Variants in HDAC4 observed in about 807,000 individuals in gnomAD.
The protein encoded by HDAC4 is histone deacetylase A.
In HDAC4, 16 loss-of-function variants were observed where a neutral mutation model predicts 135.1. That is an observed-to-expected ratio of 0.12 (90% confidence interval 0.08 to 0.18). The LOEUF is 0.18. Among genes scored for constraint, HDAC4 ranks in the 10% least tolerant of loss-of-function variants. The probability of loss-of-function intolerance (pLI) is 1.00; values close to 1 mark genes in which losing one functional copy is unlikely to be tolerated. For missense variants in HDAC4, 1,143 were observed against 1,511.8 expected (o/e 0.76, Z 4.05); for synonymous variants, 685 against 653.4 (o/e 1.05, Z -0.74).
At chr2:239,222,102 C>T (rs1358996480) in intron 3 of HDAC4, among the ~76,000 whole-genome samples, 3 of 152,174 alleles carry the variant, frequency 2.0e-5, no homozygotes, top group East Asian at 1.9e-4. Context: ...CCTGTGCCAG[C>T]GCAAGGCCAG....
rs2048129960 is a variant in HDAC4 at position 239,240,719 on chromosome 2, T to G, written c.23-4055A>C. Among the ~76,000 whole-genome samples, 1 of 152,208 alleles carries G rather than the reference T, an allele frequency of 6.6e-6. No individual in the cohort carries two copies. The highest frequency in any genetic ancestry group is 6.5e-5 in the Admixed American group (1 of 15,290). ...GAGGCCGAGGAGCACGGGTACCTCGTGTCCTCACCAGCACATGATGTGCCC... is the reference window on the plus strand; with the variant it reads ...GAGGCCGAGGAGCACGGGTACCTCGGGTCCTCACCAGCACATGATGTGCCC... On this transcript the variant is annotated intron_variant, in intron 2 of 26. Transcript: ENST00000543185. The surrounding 1 kb of genome is among the most constrained non-coding windows in gnomAD (Gnocchi z 4.5).
intron 2 of HDAC4, among the ~76,000 whole-genome samples, chr2:239,310,516 C>T (rs2052823214): frequency 6.6e-6 from 1 of 152,224 alleles, no homozygotes; most frequent in South Asian, 2.1e-4. Context: ...AGGCCCCTCC[C>T]ATGAGCCCTG....
At chr2:239,289,739 C>A (rs2051354177) in intron 2 of HDAC4, among the ~76,000 whole-genome samples, 1 of 152,226 alleles carries the variant, frequency 6.6e-6, no homozygotes, top group Non-Finnish European at 1.5e-5. Context: ...CCCCAAAGTC[C>A]CCGCCTGATG....
At chr2:239,070,342 T>C (rs2034048942) in intron 22 of HDAC4, among the ~76,000 whole-genome samples, 1 of 152,212 alleles carries the variant, frequency 6.6e-6, no homozygotes, top group Non-Finnish European at 1.5e-5. Context: ...ACTGAGAAAT[T>C]CTTTAAATTA....
At position 239,322,168 on chromosome 2, in the gene HDAC4, G is replaced by C. The variant is rs77479238; in HGVS notation, c.22+30510C>G. 9.4e-3 allele frequency among the ~76,000 whole-genome samples: 1,434 copies of C among 152,342 alleles called. 16 individuals carry two copies. The highest frequency in any genetic ancestry group is 0.033 in the African/African-American group (1,372 of 41,570). On this transcript the variant is annotated intron_variant, in intron 2 of 26. Coordinates refer to ENST00000543185, the MANE Select transcript of HDAC4 (RefSeq NM_001378414.1). ...TGAAGTTACACCCTATGCGAATGAAGACTTGGCCTGCAACCAATCAGGGGC... is the reference window on the plus strand; with the variant it reads ...TGAAGTTACACCCTATGCGAATGAACACTTGGCCTGCAACCAATCAGGGGC...
intron 1 of HDAC4, among the ~76,000 whole-genome samples, chr2:239,381,968 G>C (rs1695449146): frequency 6.6e-6 from 1 of 152,216 alleles, no homozygotes; most frequent in Non-Finnish European, 1.5e-5. Context: ...TGCTCACTGG[G>C]CTTTGGAAGC....
At chr2:239,350,754 G>A (rs1441182607) in intron 2 of HDAC4, among the ~76,000 whole-genome samples, 1 of 152,154 alleles carries the variant, frequency 6.6e-6, no homozygotes, top group Admixed American at 6.5e-5. Context: ...TGCCCACCCT[G>A]ACCTTCCGAA....
In HDAC4 at chr2:239,077,960, T is replaced by C. The variant is rs188398286; in HGVS notation, c.2750+3135A>G. On this transcript the variant is annotated intron_variant, in intron 22 of 26. Coordinates refer to ENST00000543185, the MANE Select transcript of HDAC4 (RefSeq NM_001378414.1). ...CAATTCGTGAAGCTATCACAGTTAT[T>C]GCTTGAGAAGATCCAGTTTCAGAGA... Among the ~76,000 whole-genome samples, 7 of 152,360 alleles carry C rather than the reference T, an allele frequency of 4.6e-5. No individual in the cohort carries two copies. In the East Asian group the frequency reaches 1.3e-3, roughly 29 times the overall value.
At chr2:239,117,338 G>A (rs1416373820) in intron 12 of HDAC4, among the ~76,000 whole-genome samples, 1 of 152,132 alleles carries the variant, frequency 6.6e-6, no homozygotes, top group South Asian at 2.1e-4. Flanking sequence ...CCCACGTCTG[G>A]CTAAGGCATG....
rs146781074 is a variant in HDAC4 at position 239,383,488 on chromosome 2, C to T, written c.-220+17490G>A. On this transcript the variant is annotated intron_variant, in intron 1 of 26. Transcript: ENST00000543185. Reference sequence around the variant, plus strand: ...GAGGTCGGCTTCTTAAGCACTCAGCCGGAACAGGTGCCTCCTCAACTGGCT... The same window carrying T: ...GAGGTCGGCTTCTTAAGCACTCAGCTGGAACAGGTGCCTCCTCAACTGGCT... Among the ~76,000 whole-genome samples, 91 of 152,300 alleles carry T rather than the reference C, an allele frequency of 6.0e-4. 1 individual carries two copies. In the Middle Eastern group the frequency reaches 0.01, roughly 17 times the overall value.
chr2:239,067,157 C>T (rs1265336705), intron 23 of HDAC4, among the ~76,000 whole-genome samples: 2 of 152,238 alleles, frequency 1.3e-5, no homozygotes, highest in Non-Finnish European at 2.9e-5. Context: ...CTTCGGCCCC[C>T]GCAGAGGGGC....
At chr2:239,196,635 A>G (rs2045402225) in intron 3 of HDAC4, among the ~76,000 whole-genome samples, 1 of 152,140 alleles carries the variant, frequency 6.6e-6, no homozygotes, top group Admixed American at 6.5e-5. Context: ...ACCCCCAGGA[A>G]ACCAAGTACA....
rs116745118 is a variant in HDAC4 at position 239,097,867 on chromosome 2, T to C, written c.2234-2811A>G. Among the ~76,000 whole-genome samples the C allele has an allele frequency of 1.0e-2, 1,523 of 152,322 alleles. 22 individuals are homozygous for C. Among genetic ancestry groups the C allele is most frequent in the African/African-American group, 0.035 (1,456 of 41,562 alleles). ...TGGCCTTGGTGAGTGGCTGAGTAGC[T>C]GGGGCTGGGAGTGGCTCCGTGGGCC... On this transcript the variant is annotated intron_variant, in intron 16 of 26. Transcript: ENST00000543185.
chr2:239,377,917 GTTTT>G (rs1353017806), intron 1 of HDAC4, among the ~76,000 whole-genome samples: 2 of 152,108 alleles, frequency 1.3e-5, no homozygotes, highest in African/African-American at 4.8e-5. Flanking sequence ...CACCTGCTTG[GTTTT>G]ACACCCACCT....
At chr2:239,334,326 C>T (rs1691777266) in intron 2 of HDAC4, among the ~76,000 whole-genome samples, 1 of 151,728 alleles carries the variant, frequency 6.6e-6, no homozygotes, top group African/African-American at 2.4e-5. Flanking sequence ...TCGAGACCAG[C>T]CTGATCAACA....
At chr2:239,184,280 C>T (rs1228210857) in intron 4 of HDAC4, among the ~76,000 whole-genome samples, 1 of 151,758 alleles carries the variant, frequency 6.6e-6, no homozygotes, top group Non-Finnish European at 1.5e-5. Context: ...GAGGCTGTGC[C>T]CTATGGGGGG....
intron 2 of HDAC4, among the ~76,000 whole-genome samples, chr2:239,348,484 A>T (rs74003944): frequency 0.1 from 15,403 of 152,264 alleles, 869 homozygotes; most frequent in Non-Finnish European, 0.12. Flanking sequence ...TAAGCCCTTA[A>T]CCACAAGGAA....
intron 1 of HDAC4, among the ~76,000 whole-genome samples, chr2:239,394,390 T>C (rs1397779321): frequency 6.6e-6 from 1 of 152,246 alleles, no homozygotes; most frequent in Admixed American, 6.5e-5. Flanking sequence ...TTAATTCTAA[T>C]TTAAAACAAG....
chr2:239,282,955 CTACAAT>C, intron 2 of HDAC4, among the ~76,000 whole-genome samples: 1 of 151,852 alleles, frequency 6.6e-6, no homozygotes, highest in Non-Finnish European at 1.5e-5. Flanking sequence ...ACACACCACT[CTACAAT>C]GTACACACCA....
Sources: allele counts gnomAD v4.1 joint callset (sites outside exome capture counted in the v4.1 genomes callset), GRCh38; gene constraint gnomAD v4.1.1; non-coding constraint Gnocchi (gnomAD v3.1); transcripts MANE v1.5; gene names NCBI Gene and HGNC (gene_info 2026-07-23, HGNC 2026-07-21).